FSTL5: variants seen among roughly 807,000 people sequenced by gnomAD.
The protein encoded by FSTL5 is follistatin like 5.
FSTL5 carries 62 observed loss-of-function variants against 89.1 expected under a neutral mutation model. That is an observed-to-expected ratio of 0.70 (90% CI 0.57 to 0.86). The LOEUF is 0.86. Ranked by LOEUF, FSTL5 falls within the 40% of genes least tolerant of loss-of-function variation. The pLI is 0.00. For missense variants in FSTL5, 1,057 were observed against 1,001.6 expected, an observed-to-expected ratio of 1.06 and a Z score of -0.75; for synonymous variants, 383 against 346.2, an observed-to-expected ratio of 1.11 and a Z score of -1.18.
At chr4:161,441,723 T>A (rs1732768452) in intron 15 of FSTL5, among the ~76,000 whole-genome samples, 7 of 152,078 alleles carry the variant, frequency 4.6e-5, no homozygotes, top group Admixed American at 4.6e-4. Flanking sequence ...ACTCCCAGGG[T>A]TCAAGGTTTT....
chr4:161,760,278 A>C (rs1740741019), intron 5 of FSTL5, among the ~76,000 whole-genome samples: 1 of 152,170 alleles, frequency 6.6e-6, no homozygotes, highest in Non-Finnish European at 1.5e-5. Context: ...AACAGAGCTT[A>C]CCAAGATTTT....
chr4:162,063,567 GA>G (rs1738789248), intron 2 of FSTL5, among the ~76,000 whole-genome samples: 1 of 151,592 alleles, frequency 6.6e-6, no homozygotes, highest in Admixed American at 6.6e-5. Context: ...ATTTCTAAAA[GA>G]AAAACAGCAT....
chr4:161,736,779 T>C (rs1320729505), intron 6 of FSTL5, among the ~76,000 whole-genome samples: 1 of 152,064 alleles, frequency 6.6e-6, no homozygotes, highest in Admixed American at 6.6e-5. Context: ...TGGGGTTAAA[T>C]TGTACTTGCA....
At position 161,538,056 on chromosome 4, in the gene FSTL5, T is replaced by C. The variant is rs1731689313; in HGVS notation, c.1312+110A>G. ...TCCTACGTATAAAATCTATTTGTTA[T>C]AATGCATTGTGCAATTCACAGTTTT... On this transcript the variant is annotated intron_variant, in intron 10 of 15. Transcript: ENST00000306100. 6 of 919,118 alleles carry C rather than the reference T, an allele frequency of 6.5e-6. No homozygotes were observed. In the South Asian group the frequency reaches 7.2e-5, roughly 11 times the overall value. 56.9% of individuals were successfully genotyped at this position (919,118 alleles called of 1,614,324 possible).
chr4:161,792,421 GCT>G (rs1729509352), intron 4 of FSTL5, among the ~76,000 whole-genome samples: 1 of 152,120 alleles, frequency 6.6e-6, no homozygotes, highest in East Asian at 1.9e-4. Flanking sequence ...GTGGAAAGAA[GCT>G]GGTGTCTGGT....
intron 4 of FSTL5, among the ~76,000 whole-genome samples, chr4:161,896,886 T>C (rs1222403865): frequency 6.6e-6 from 1 of 152,142 alleles, no homozygotes; most frequent in Non-Finnish European, 1.5e-5. Flanking sequence ...TTTCTTTCCT[T>C]AGGTGACTAA....
chr4:161,649,715 C>T (rs763267966), intron 7 of FSTL5, among the ~76,000 whole-genome samples: 42 of 152,172 alleles, frequency 2.8e-4, no homozygotes, highest in Non-Finnish European at 4.9e-4. Context: ...AGTAGTATGC[C>T]GAACTAAATG....
At chr4:161,747,184 T>C (rs990455859) in intron 6 of FSTL5, among the ~76,000 whole-genome samples, 2 of 152,248 alleles carry the variant, frequency 1.3e-5, no homozygotes, top group African/African-American at 4.8e-5. Context: ...TTGTTGACTA[T>C]GAAATTAAAT....
chr4:161,760,575 C>T (rs934641476), intron 5 of FSTL5, among the ~76,000 whole-genome samples: 1 of 152,172 alleles, frequency 6.6e-6, no homozygotes, highest in Non-Finnish European at 1.5e-5. Context: ...CACACACACA[C>T]ATGCACACAC....
intron 3 of FSTL5, among the ~76,000 whole-genome samples, chr4:161,926,716 C>T: frequency 6.6e-6 from 1 of 151,740 alleles, no homozygotes; most frequent in Non-Finnish European, 1.5e-5. Flanking sequence ...TAACAAATTC[C>T]ACAAAGGATT....
At chr4:161,476,197 G>GTTTTTT (rs757760575) in intron 13 of FSTL5, among the ~76,000 whole-genome samples, 3 of 107,324 alleles carry the variant, frequency 2.8e-5, no homozygotes, top group African/African-American at 3.8e-5. Context: ...TTGTTTGTTT[G>GTTTTTT]TTTTTTTGAG....
chr4:161,592,793 T>C lies in FSTL5; in HGVS notation c.895-5218A>G, dbSNP rs570173293. Among the ~76,000 whole-genome samples the C allele has an allele frequency of 4.6e-5, 7 of 152,280 alleles. No individual in the cohort carries two copies. The East Asian group carries it at 9.7e-4, about 21-fold the overall frequency. ...TAATCCTTTGGGTATAACCCAGCAA[T>C]GGGATTGCTGGGTCAGATGGTATTT... is the stretch of plus-strand genomic sequence containing the variant. On this transcript the variant is annotated intron_variant, in intron 7 of 15. Coordinates refer to ENST00000306100, the MANE Select transcript of FSTL5 (RefSeq NM_020116.5).
At chr4:162,002,836 C>A (rs977168917) in intron 3 of FSTL5, among the ~76,000 whole-genome samples, 1 of 151,266 alleles carries the variant, frequency 6.6e-6, no homozygotes, top group Non-Finnish European at 1.5e-5. Flanking sequence ...TTCCATAGAC[C>A]TTGGGTTGTT....
intron 10 of FSTL5, among the ~76,000 whole-genome samples, chr4:161,518,703 A>C (rs989600409): frequency 1.3e-5 from 2 of 152,232 alleles, no homozygotes; most frequent in Non-Finnish European, 2.9e-5. Flanking sequence ...AAAAATAAAA[A>C]AATAAAAACA....
chr4:161,619,246 A>C (rs1165426324), intron 7 of FSTL5, among the ~76,000 whole-genome samples: 5 of 152,150 alleles, frequency 3.3e-5, no homozygotes, highest in Admixed American at 2.6e-4. Context: ...CCTAGAAGAA[A>C]ACCTAGGCAT....
chr4:161,511,680 A>G (rs567157739), intron 10 of FSTL5, among the ~76,000 whole-genome samples: 1 of 152,262 alleles, frequency 6.6e-6, no homozygotes, highest in Middle Eastern at 3.4e-3. Flanking sequence ...TAAATATGTT[A>G]TAAGATGATA....
At chr4:161,448,372 C>T (rs1733026814) in intron 15 of FSTL5, among the ~76,000 whole-genome samples, 1 of 152,076 alleles carries the variant, frequency 6.6e-6, no homozygotes, top group South Asian at 2.1e-4. Flanking sequence ...CATTTTAGTG[C>T]TAAAATTGTA....
At chr4:161,461,426 A>C (rs1203305903) in intron 13 of FSTL5, among the ~76,000 whole-genome samples, 1 of 125,444 alleles carries the variant, frequency 8.0e-6, no homozygotes, top group Non-Finnish European at 1.6e-5. Context: ...ACGCCATTGC[A>C]CTCCAGCCTG....
intron 3 of FSTL5, among the ~76,000 whole-genome samples, chr4:162,007,490 C>T (rs1736645973): frequency 1.3e-5 from 2 of 151,780 alleles, no homozygotes; most frequent in South Asian, 4.1e-4. Flanking sequence ...CAACTCTTTA[C>T]ATACTTGAAT....
Sources: gnomAD v4.1 joint callset for allele counts (sites outside exome capture counted in the v4.1 genomes callset) on GRCh38, gnomAD v4.1.1 for gene constraint, MANE v1.5 for transcripts, NCBI Gene and HGNC (gene_info 2026-07-23, HGNC 2026-07-21) for gene names.